Variants in ROBO2 observed in about 807,000 individuals in gnomAD.
ROBO2 encodes the protein roundabout homolog 2.
In ROBO2, 53 loss-of-function variants were observed where a neutral mutation model predicts 160.8. That is an observed-to-expected ratio of 0.33 (90% CI 0.26 to 0.41). The LOEUF is 0.41. Ranked by LOEUF, ROBO2 falls within the 10% of genes least tolerant of loss-of-function variation. The pLI is 1.00. For missense variants in ROBO2, 1,577 were observed against 1,722.4 expected, an observed-to-expected ratio of 0.92 and a Z score of 1.49; for synonymous variants, 664 against 611.7, an observed-to-expected ratio of 1.09 and a Z score of -1.26.
At chr3:77,123,031 G>A (rs2074935976) in intron 2 of ROBO2, among the ~76,000 whole-genome samples, 1 of 151,906 alleles carries the variant, frequency 6.6e-6, no homozygotes, top group Non-Finnish European at 1.5e-5. Context: ...AGAATGGAGA[G>A]GAATCAGCAA....
intron 1 of ROBO2, among the ~76,000 whole-genome samples, chr3:77,059,797 C>A (rs187566000): frequency 6.6e-6 from 1 of 152,114 alleles, no homozygotes; most frequent in Non-Finnish European, 1.5e-5. Flanking sequence ...AAAACTCATA[C>A]GTCATGACAT....
At chr3:77,474,416 C>A (rs1324602107) in intron 2 of ROBO2, among the ~76,000 whole-genome samples, 1 of 151,990 alleles carries the variant, frequency 6.6e-6, no homozygotes, top group African/African-American at 2.4e-5. Flanking sequence ...TTCCCTTGGC[C>A]CCTACAACTT....
At chr3:77,355,417 C>A (rs963272031) in intron 2 of ROBO2, among the ~76,000 whole-genome samples, 1 of 152,110 alleles carries the variant, frequency 6.6e-6, no homozygotes, top group African/African-American at 2.4e-5. Context: ...GGGAATGATA[C>A]AAACTGCTTT....
intron 2 of ROBO2, among the ~76,000 whole-genome samples, chr3:76,549,888 G>A (rs2083315987): frequency 6.6e-6 from 1 of 152,184 alleles, no homozygotes; most frequent in South Asian, 2.1e-4. Flanking sequence ...AGCTTCCTAT[G>A]TGTAAAAGTA....
intron 2 of ROBO2, among the ~76,000 whole-genome samples, chr3:76,104,375 A>G (rs1046659537): frequency 6.6e-6 from 1 of 152,180 alleles, no homozygotes; most frequent in African/African-American, 2.4e-5. Flanking sequence ...TTAAAATGTT[A>G]TTTTAAAACT....
At chr3:77,339,468 T>A (rs2066835628) in intron 2 of ROBO2, among the ~76,000 whole-genome samples, 1 of 152,118 alleles carries the variant, frequency 6.6e-6, no homozygotes, top group Non-Finnish European at 1.5e-5. Context: ...TTTGAAATAC[T>A]GTTGATGTGC....
At chr3:76,502,206 CT>C (rs2080497621) in intron 2 of ROBO2, among the ~76,000 whole-genome samples, 1 of 152,174 alleles carries the variant, frequency 6.6e-6, no homozygotes, top group African/African-American at 2.4e-5. Context: ...TGATTTTCTT[CT>C]GCCTTAATAG....
At chr3:76,104,505 A>T (rs893850484) in intron 2 of ROBO2, among the ~76,000 whole-genome samples, 2 of 152,182 alleles carry the variant, frequency 1.3e-5, no homozygotes, top group Non-Finnish European at 2.9e-5. Context: ...ATTTCCTCCT[A>T]TGGAAAGTTA....
intron 2 of ROBO2, among the ~76,000 whole-genome samples, chr3:76,522,317 CTA>C (rs2081668765): frequency 6.6e-6 from 1 of 152,180 alleles, no homozygotes; most frequent in South Asian, 2.1e-4. Flanking sequence ...TGCAATTACC[CTA>C]TGTTTTGGGA....
chr3:76,270,642 A>G (rs1403303551), intron 2 of ROBO2, among the ~76,000 whole-genome samples: 1 of 152,062 alleles, frequency 6.6e-6, no homozygotes, highest in Non-Finnish European at 1.5e-5. Context: ...GCTACCTGAT[A>G]CAAAAGCAAT....
At chr3:77,241,182 C>T (rs2088986068) in intron 2 of ROBO2, among the ~76,000 whole-genome samples, 1 of 152,182 alleles carries the variant, frequency 6.6e-6, no homozygotes, top group African/African-American at 2.4e-5. Flanking sequence ...TAGACATATA[C>T]ATTCACTGAA....
intron 1 of ROBO2, among the ~76,000 whole-genome samples, chr3:77,088,660 C>G (rs190770762): frequency 1.3e-5 from 2 of 152,246 alleles, no homozygotes; most frequent in East Asian, 3.9e-4. Flanking sequence ...AATGCATTTA[C>G]TGACAATATG....
At chr3:77,625,209 G>A (rs768184605) in intron 23 of ROBO2, among the ~76,000 whole-genome samples, 13 of 152,008 alleles carry the variant, frequency 8.6e-5, no homozygotes, top group Non-Finnish European at 1.9e-4. Context: ...CTCAGTACTG[G>A]ATAATATGTA....
At chr3:77,301,839 G>A (rs1319929279) in intron 2 of ROBO2, among the ~76,000 whole-genome samples, 1 of 151,278 alleles carries the variant, frequency 6.6e-6, no homozygotes, top group East Asian at 1.9e-4. Context: ...CTTGCTGTGT[G>A]TCCTCAGAGA....
intron 2 of ROBO2, among the ~76,000 whole-genome samples, chr3:76,453,456 G>C (rs3849494): frequency 0.61 from 93,417 of 151,920 alleles, 28,955 homozygotes; most frequent in African/African-American, 0.69. Context: ...TTGCTTGTTT[G>C]TCTCAGGTTT....
chr3:77,428,502 A>G (rs927934865), intron 2 of ROBO2, among the ~76,000 whole-genome samples: 6 of 150,588 alleles, frequency 4.0e-5, no homozygotes, highest in Middle Eastern at 3.4e-3. Context: ...GACTACAGGC[A>G]CCCGCCACCG....
intron 2 of ROBO2, among the ~76,000 whole-genome samples, chr3:76,071,021 A>G (rs2068436747): frequency 6.6e-6 from 1 of 152,164 alleles, no homozygotes; most frequent in Non-Finnish European, 1.5e-5. Flanking sequence ...GCATTTTATG[A>G]TTCATAATTT....
chr3:77,595,175 G>C, exon 18 of ROBO2: 1 of 1,610,802 alleles, frequency 6.2e-7, no homozygotes, highest in Non-Finnish European at 8.5e-7. Context: ...GGACTAATGA[G>C]CAATGGAAGG....
chr3:77,215,484 A>T (rs1217805183), intron 2 of ROBO2, among the ~76,000 whole-genome samples: 2 of 151,698 alleles, frequency 1.3e-5, no homozygotes, highest in African/African-American at 4.8e-5. Context: ...CATTTGTCTA[A>T]TTTTTTTTCA....
Sources: allele counts gnomAD v4.1 joint callset (sites outside exome capture counted in the v4.1 genomes callset), GRCh38; gene constraint gnomAD v4.1.1; transcripts MANE v1.5; gene names NCBI Gene and HGNC (gene_info 2026-07-23, HGNC 2026-07-21).